Variants in SAMD12 observed in about 807,000 individuals in gnomAD.
SAMD12 encodes sterile alpha motif domain containing 12.
Under a neutral mutation model 15.0 loss-of-function variants are expected in SAMD12, and 9 were observed. The observed-to-expected ratio is 0.60, with a 90% CI of 0.36 to 1.05. The LOEUF is 1.05. Among genes scored for constraint, SAMD12 ranks in the 50% least tolerant of loss-of-function variants. SAMD12 has a pLI of 0.01. For synonymous variants in SAMD12, 86 were observed against 90.1 expected (o/e 0.96, Z 0.25); for missense variants, 230 against 234.2 (o/e 0.98, Z 0.12).
intron 2 of SAMD12, among the ~76,000 whole-genome samples, chr8:118,577,859 G>A (rs1226482441): frequency 3.3e-5 from 5 of 152,190 alleles, no homozygotes; most frequent in Admixed American, 2.0e-4. Flanking sequence ...CCCTAAAAGC[G>A]TAATACTAAC....
chr8:118,286,938 G>A (rs990771957), intron 4 of SAMD12, among the ~76,000 whole-genome samples: 21 of 152,176 alleles, frequency 1.4e-4, no homozygotes, highest in Non-Finnish European at 1.9e-4. Flanking sequence ...TCATGTGCCT[G>A]AAGGTGCACT....
At chr8:118,470,974 T>C (rs1823775850) in intron 2 of SAMD12, among the ~76,000 whole-genome samples, 1 of 152,204 alleles carries the variant, frequency 6.6e-6, no homozygotes, top group Non-Finnish European at 1.5e-5. Flanking sequence ...TGTCACACAA[T>C]GTTGCCTGAT....
intron 2 of SAMD12, among the ~76,000 whole-genome samples, chr8:118,541,449 A>G (rs1159780743): frequency 6.6e-6 from 1 of 152,250 alleles, no homozygotes; most frequent in Non-Finnish European, 1.5e-5. Context: ...ACTCTTGTCT[A>G]TAAAGGACCC....
chr8:118,168,890 A>C, the SAMD12 span, among the ~76,000 whole-genome samples: 1 of 152,216 alleles, frequency 6.6e-6, no homozygotes, highest in Non-Finnish European at 1.5e-5. Context: ...TTTTCACTAT[A>C]AAGAAAGAAA....
rs145779338 is a variant in SAMD12, at chr8:118,203,027, G to A, written c.434-5295C>T. 2.3e-3 allele frequency among the ~76,000 whole-genome samples: 357 copies of A among 152,272 alleles called. 11 individuals carry two copies. The South Asian group carries it at 0.05, about 21-fold the overall frequency. On this transcript the variant is annotated intron_variant, in intron 4 of 4. Transcript: ENST00000409003. Reference sequence around the variant, plus strand: ...TTCACACAGAGAAAATGACAGCAGGGTCGTTAGCTGGCACAGCCACAGTGC... The same window carrying A: ...TTCACACAGAGAAAATGACAGCAGGATCGTTAGCTGGCACAGCCACAGTGC...
intron 4 of SAMD12, among the ~76,000 whole-genome samples, chr8:118,245,143 G>C (rs923193148): frequency 6.6e-6 from 1 of 152,118 alleles, no homozygotes; most frequent in African/African-American, 2.4e-5. Flanking sequence ...CCGCTGGCAA[G>C]CCATTTATTT....
At chr8:118,159,909 A>G in the SAMD12 span, among the ~76,000 whole-genome samples, 9 of 151,886 alleles carry the variant, frequency 5.9e-5, no homozygotes, top group African/African-American at 1.9e-4. Flanking sequence ...TAGTAGAGAC[A>G]GGGTTTCACT....
At chr8:118,474,083 T>A (rs1823888083) in intron 2 of SAMD12, among the ~76,000 whole-genome samples, 1 of 151,954 alleles carries the variant, frequency 6.6e-6, no homozygotes, top group Non-Finnish European at 1.5e-5. Flanking sequence ...CTCAGTCTCC[T>A]GAGTAGCTGG....
At chr8:118,150,777 C>T in the SAMD12 span, among the ~76,000 whole-genome samples, 47 of 78,024 alleles carry the variant, frequency 6.0e-4, no homozygotes, top group Non-Finnish European at 1.0e-3. Flanking sequence ...TGTGTAGATC[C>T]AAATTTCCAC....
chr8:118,491,769 T>C (rs980349487), intron 2 of SAMD12, among the ~76,000 whole-genome samples: 2 of 152,216 alleles, frequency 1.3e-5, no homozygotes, highest in African/African-American at 4.8e-5. Context: ...TATTGTTGTA[T>C]ATATAACTAA....
chr8:118,172,893 A>C, the SAMD12 span, among the ~76,000 whole-genome samples: 1 of 151,626 alleles, frequency 6.6e-6, no homozygotes, highest in Admixed American at 6.6e-5. Context: ...TTGAACAACA[A>C]CTCCCCATTT....
chr8:118,212,384 G>A (rs1336086264), intron 4 of SAMD12, among the ~76,000 whole-genome samples: 1 of 152,060 alleles, frequency 6.6e-6, no homozygotes, highest in African/African-American at 2.4e-5. Context: ...TTATAGTCCC[G>A]CATCAGGCAT....
At chr8:118,460,233 A>G (rs1405264308) in intron 2 of SAMD12, among the ~76,000 whole-genome samples, 1 of 152,200 alleles carries the variant, frequency 6.6e-6, no homozygotes, top group African/African-American at 2.4e-5. Flanking sequence ...TCCTATAATC[A>G]CACATGGCAT....
chr8:118,529,039 T>C (rs1586789948), intron 2 of SAMD12, among the ~76,000 whole-genome samples: 1 of 152,182 alleles, frequency 6.6e-6, no homozygotes, highest in African/African-American at 2.4e-5. Context: ...CCTGGTCCTC[T>C]GGCAAGAAAT....
At chr8:118,316,310 G>A (rs968252246) in intron 4 of SAMD12, among the ~76,000 whole-genome samples, 14 of 149,476 alleles carry the variant, frequency 9.4e-5, no homozygotes, top group African/African-American at 2.0e-4. Flanking sequence ...TGAGGCAGGC[G>A]GATCACAAGG....
downstream of SAMD12, among the ~76,000 whole-genome samples, chr8:118,376,117 T>C (rs1202112776): frequency 6.6e-6 from 1 of 152,198 alleles, no homozygotes; most frequent in Non-Finnish European, 1.5e-5. Flanking sequence ...CAAGAAACTA[T>C]ATTTTGAAAT....
At chr8:118,177,736 T>TA in the SAMD12 span, among the ~76,000 whole-genome samples, 3 of 103,278 alleles carry the variant, frequency 2.9e-5, no homozygotes, top group East Asian at 4.5e-4. Context: ...AAACATAAAA[T>TA]AAAAAAACAA....
intron 4 of SAMD12, among the ~76,000 whole-genome samples, chr8:118,342,788 T>A (rs6469740): frequency 0.34 from 51,697 of 151,668 alleles, 11,497 homozygotes; most frequent in African/African-American, 0.64. Flanking sequence ...ACTCTAGAAG[T>A]TTCTGATATA....
At chr8:118,345,296 C>T (rs940880181) in intron 4 of SAMD12, among the ~76,000 whole-genome samples, 1 of 152,174 alleles carries the variant, frequency 6.6e-6, no homozygotes, top group Non-Finnish European at 1.5e-5. Flanking sequence ...GCTATACCAT[C>T]TAGGTTACTG....
Sources: allele counts gnomAD v4.1 joint callset (sites outside exome capture counted in the v4.1 genomes callset), GRCh38; gene constraint gnomAD v4.1.1; transcripts MANE v1.5; gene names NCBI Gene and HGNC (gene_info 2026-07-23, HGNC 2026-07-21).